SOHLH2: variants seen among roughly 807,000 people sequenced by gnomAD.
The protein encoded by SOHLH2 is spermatogenesis- and oogenesis-specific basic helix-loop-helix-containing protein 2.
In SOHLH2, 22 loss-of-function variants were observed where a neutral mutation model predicts 50.4. That is an observed-to-expected ratio of 0.44 (90% confidence interval 0.31 to 0.62). SOHLH2 has a LOEUF of 0.62. Among genes scored for constraint, SOHLH2 ranks in the 20% least tolerant of loss-of-function variants. The pLI is 0.08. For synonymous variants in SOHLH2, 185 were observed against 187.3 expected (o/e 0.99, Z 0.10); for missense variants, 412 against 504.4 (o/e 0.82, Z 1.76).
At chr13:36,174,433 A>T (rs1175203290) in intron 8 of SOHLH2, 43 bp downstream of exon 8, 1 of 1,608,000 alleles carries the variant, frequency 6.2e-7, no homozygotes, top group South Asian at 1.1e-5. Flanking sequence ...CATGGGAGGA[A>T]AATAACTAGC....
In SOHLH2 at chr13:36,206,097, C is replaced by T. The variant is rs539622054; in HGVS notation, c.49-4004G>A. ...GTAATGCTTTATTGAGAATATAGAACTGTGTAGTCCAATACAGTAGCCACA... is the reference window on the plus strand; with the variant it reads ...GTAATGCTTTATTGAGAATATAGAATTGTGTAGTCCAATACAGTAGCCACA... On this transcript the variant is annotated intron_variant, in intron 1 of 10. Transcript: ENST00000379881. Among the ~76,000 whole-genome samples, 10 of 151,956 alleles carry T rather than the reference C, an allele frequency of 6.6e-5. No homozygotes were observed. The South Asian group carries it at 1.7e-3, about 25-fold the overall frequency.
chr13:36,185,482 A>G (rs1055597749), intron 6 of SOHLH2, among the ~76,000 whole-genome samples: 3 of 152,096 alleles, frequency 2.0e-5, no homozygotes, highest in African/African-American at 7.2e-5. Context: ...AAACAAACAC[A>G]CAAACAAACA....
rs764218457 is a variant in SOHLH2, at chr13:36,184,459, C to CTTTTTTTTTTTTTTTTTTTTTTTTT, written c.641+5486_641+5487insAAAAAAAAAAAAAAAAAAAAAAAAA. ...TGATGGAAGTTTCTACCTACAAAGA[C>CTTTTTTTTTTTTTTTTTTTTTTTTT]CTTTTTTTTTTTTTTTTTTTGAGAC... On this transcript the variant is annotated intron_variant, in intron 6 of 10. Transcript: ENST00000379881. Among the ~76,000 whole-genome samples, 21 of 81,666 alleles carry CTTTTTTTTTTTTTTTTTTTTTTTTT rather than the reference C, an allele frequency of 2.6e-4. 1 individual carries two copies. The highest frequency in any genetic ancestry group is 8.8e-4 in the African/African-American group (18 of 20,412). 53.6% of individuals were successfully genotyped at this position (81,666 alleles called of 152,430 possible). A position where few individuals can be genotyped will look rare whatever the true frequency, so the allele number is the denominator to read the frequency against.
chr13:36,187,502 C>T (rs555459035), intron 6 of SOHLH2, among the ~76,000 whole-genome samples: 28 of 152,254 alleles, frequency 1.8e-4, no homozygotes, highest in African/African-American at 6.0e-4. Context: ...CACTGGCCAG[C>T]GGGCCCTAAG....
chr13:36,213,981 C>T (rs1869276251), intron 1 of SOHLH2, among the ~76,000 whole-genome samples: 1 of 151,850 alleles, frequency 6.6e-6, no homozygotes. Flanking sequence ...TTCTAGGTAG[C>T]TAACTTCACA....
intron 2 of SOHLH2, among the ~76,000 whole-genome samples, chr13:36,200,908 G>A (rs1887881909): frequency 6.6e-6 from 1 of 151,876 alleles, no homozygotes; most frequent in Non-Finnish European, 1.5e-5. Context: ...AATTAGCCAG[G>A]CGTGGTGGCA....
At chr13:36,210,250 A>C (rs917505820) in intron 1 of SOHLH2, among the ~76,000 whole-genome samples, 1 of 152,194 alleles carries the variant, frequency 6.6e-6, no homozygotes, top group Non-Finnish European at 1.5e-5. Flanking sequence ...TACCCAGCTA[A>C]TTCAAACCAG....
chr13:36,186,926 AGAG>A (rs1273184620), intron 6 of SOHLH2, among the ~76,000 whole-genome samples: 6 of 152,152 alleles, frequency 3.9e-5, no homozygotes, highest in Non-Finnish European at 8.8e-5. Context: ...GGTGAGTGGA[AGAG>A]GAGGAGGAAG....
At position 36,174,668 on chromosome 13, in the gene SOHLH2, T is replaced by C. The variant is rs1010864258; in HGVS notation, c.789+54A>G. The stretch of plus-strand genomic sequence containing the variant: ...TAAAAAATTAAAAGAAGTAAAATTG[T>C]AGTATTAAAGCATGTCTATAAGGAT... On this transcript the variant is annotated intron_variant, in intron 7 of 10. Transcript: ENST00000379881. 4.4e-6 allele frequency: 7 copies of C among 1,596,212 alleles called. No individual in the cohort carries two copies. In the African/African-American group the frequency reaches 9.5e-5, roughly 22 times the overall value.
chr13:36,180,459 G>A (rs1177729700), intron 6 of SOHLH2, among the ~76,000 whole-genome samples: 3 of 151,962 alleles, frequency 2.0e-5, no homozygotes, highest in Non-Finnish European at 2.9e-5. Context: ...TTGATATATT[G>A]CATTCTCTTT....
rs1229884029 is a variant in SOHLH2, at chr13:36,184,460, C to CTTTTTTTT, written c.641+5478_641+5485dup. Among the ~76,000 whole-genome samples the CTTTTTTTT allele has an allele frequency of 9.1e-4, 110 of 121,144 alleles. 11 individuals carry two copies. Among genetic ancestry groups the CTTTTTTTT allele is most frequent in the African/African-American group, 1.7e-3 (54 of 32,342 alleles). The allele number at this position is 121,144 out of a possible 152,430, so 79.5% of individuals were successfully genotyped here. Reference sequence around the variant, plus strand: ...GATGGAAGTTTCTACCTACAAAGACCTTTTTTTTTTTTTTTTTTTGAGACG... The same window carrying CTTTTTTTT: ...GATGGAAGTTTCTACCTACAAAGACCTTTTTTTTTTTTTTTTTTTTTTTTTTTGAGACG... On this transcript the variant is annotated intron_variant, in intron 6 of 10. Coordinates refer to ENST00000379881, the MANE Select transcript of SOHLH2 (RefSeq NM_017826.3).
chr13:36,172,786 G>A (rs1399074402), intron 9 of SOHLH2, among the ~76,000 whole-genome samples: 5 of 152,210 alleles, frequency 3.3e-5, no homozygotes, highest in African/African-American at 1.2e-4. Flanking sequence ...CAAGGGAGGT[G>A]CTTGGTGAGA....
chr13:36,179,499 A>G (rs547946920), intron 6 of SOHLH2, among the ~76,000 whole-genome samples: 12 of 152,226 alleles, frequency 7.9e-5, no homozygotes, highest in African/African-American at 2.9e-4. Flanking sequence ...ACCTCTGCCT[A>G]CTGGGCTCAA....
At chr13:36,173,662 T>A in intron 9 of SOHLH2, 30 bp downstream of exon 9, 1 of 1,611,738 alleles carries the variant, frequency 6.2e-7, no homozygotes, top group Non-Finnish European at 8.5e-7. Flanking sequence ...GGTCCCCCTC[T>A]AAGTGGCACA....
Position 36,178,187 on chromosome 13 carries a change from G to C in SOHLH2, c.642-3318C>G, listed in dbSNP as rs185482406. 5.3e-5 allele frequency among the ~76,000 whole-genome samples: 8 copies of C among 152,210 alleles called. No individual in the cohort carries two copies. The East Asian group carries it at 1.5e-3, about 29-fold the overall frequency. On this transcript the variant is annotated intron_variant, in intron 6 of 10. Coordinates refer to ENST00000379881, the MANE Select transcript of SOHLH2 (RefSeq NM_017826.3). ...AGTGGCTACTGTATGAGATGATGAA[G>C]ATATAATTTTTAACACAGCAGAAGA...
At chr13:36,194,785 A>G (rs1887674743) in intron 2 of SOHLH2, among the ~76,000 whole-genome samples, 2 of 152,248 alleles carry the variant, frequency 1.3e-5, no homozygotes, top group South Asian at 4.1e-4. Flanking sequence ...ACCTAAGAAA[A>G]GCAAACTATT....
chr13:36,173,584 C>G, intron 9 of SOHLH2, 108 bp downstream of exon 9: 2 of 1,317,574 alleles, frequency 1.5e-6, no homozygotes, highest in African/African-American at 1.5e-5. Context: ...AAGGACTCAT[C>G]AGCTCTCCTG....
chr13:36,214,488 G>A lies in SOHLH2; in HGVS notation c.39C>T (p.Ile13=). 6.2e-7 allele frequency: 1 copy of A among 1,613,026 alleles called. No individual in the cohort carries two copies. The highest frequency in any genetic ancestry group is 8.5e-7 in the Non-Finnish European group (1 of 1,179,568). Reference sequence around the variant, plus strand: ...TTCCACAGCCTCTTACCTGGCCCGAGATCTGGCAGTGCTCCTGGCAGATAA... The same window carrying A: ...TTCCACAGCCTCTTACCTGGCCCGAAATCTGGCAGTGCTCCTGGCAGATAA... ...SSIICQEHCQ[I]SGQAKIDILL... The change falls in exon 1 of 11, where the codon ATC becomes ATT. Residue 13 remains isoleucine, a synonymous_variant. Transcript: ENST00000379881.
At chr13:36,206,706 C>T (rs1157157711) in intron 1 of SOHLH2, among the ~76,000 whole-genome samples, 1 of 151,664 alleles carries the variant, frequency 6.6e-6, no homozygotes, top group African/African-American at 2.4e-5. Flanking sequence ...TTAATTCTTT[C>T]TTTGCTTATA....
Sources: gnomAD v4.1 joint callset for allele counts (sites outside exome capture counted in the v4.1 genomes callset) on GRCh38, gnomAD v4.1.1 for gene constraint, MANE v1.5 for transcripts, NCBI Gene and HGNC (gene_info 2026-07-23, HGNC 2026-07-21) for gene names.